Variants in RAB11FIP3 observed in about 807,000 individuals in gnomAD.
The protein encoded by RAB11FIP3 is RAB11 family interacting protein 3.
RAB11FIP3 carries 17 observed loss-of-function variants against 77.8 expected under a neutral mutation model. That is an observed-to-expected ratio of 0.22 (90% CI 0.15 to 0.33). RAB11FIP3 has a LOEUF of 0.33. Ranked by LOEUF, RAB11FIP3 falls within the 10% of genes least tolerant of loss-of-function variation. The pLI is 1.00. For missense variants in RAB11FIP3, 1,005 were observed against 1,011.2 expected (o/e 0.99, Z 0.08); for synonymous variants, 437 against 448.2 (o/e 0.98, Z 0.31).
intron 4 of RAB11FIP3, among the ~76,000 whole-genome samples, chr16:484,730 A>G (rs912479333): frequency 6.6e-6 from 1 of 152,188 alleles, no homozygotes; most frequent in African/African-American, 2.4e-5. Context: ...CTGCGACTCT[A>G]GAGTTGACTC....
intron 1 of RAB11FIP3, among the ~76,000 whole-genome samples, chr16:432,122 C>G (rs2141841276): frequency 6.6e-6 from 1 of 152,272 alleles, no homozygotes; most frequent in Middle Eastern, 3.4e-3. Context: ...GTAACTCACA[C>G]CTGTCATCCC....
In RAB11FIP3 at chr16:520,344, G is replaced by C. The variant is rs1419359703; in HGVS notation, c.2016+67G>C. ...GCTTCCACAAGACTGGTTGGGAAGG[G>C]GGGGCCGTGGAGGGTCAGCATCTGA... On this transcript the variant is annotated intron_variant, in intron 12 of 13. Coordinates refer to ENST00000262305, the MANE Select transcript of RAB11FIP3 (RefSeq NM_014700.4). 24 of 1,569,128 alleles carry C rather than the reference G, an allele frequency of 1.5e-5. 1 individual carries two copies. In the South Asian group the frequency reaches 2.6e-4, roughly 17 times the overall value.
chr16:453,612 C>T (rs1488095255), intron 1 of RAB11FIP3, among the ~76,000 whole-genome samples: 10 of 125,942 alleles, frequency 7.9e-5, no homozygotes, highest in African/African-American at 3.4e-4. Flanking sequence ...TTTTTTGAAG[C>T]AGAGTTTTGC....
chr16:512,129 A>G (rs1487280126), intron 9 of RAB11FIP3, among the ~76,000 whole-genome samples: 2 of 152,236 alleles, frequency 1.3e-5, no homozygotes, highest in Non-Finnish European at 2.9e-5. Context: ...CCCAAAGACC[A>G]CAAGGGATCG....
At chr16:459,189 C>T (rs578101291) in intron 1 of RAB11FIP3, among the ~76,000 whole-genome samples, 5 of 149,812 alleles carry the variant, frequency 3.3e-5, no homozygotes, top group South Asian at 2.1e-4. Flanking sequence ...TGCAGTGGCA[C>T]GATCTCAGCT....
intron 9 of RAB11FIP3, among the ~76,000 whole-genome samples, chr16:513,025 A>G (rs1457941709): frequency 6.6e-6 from 1 of 152,176 alleles, no homozygotes; most frequent in Non-Finnish European, 1.5e-5. Flanking sequence ...TTGGTTCTCC[A>G]TCTGGGAGCT....
chr16:428,836 G>C (rs941909032), intron 1 of RAB11FIP3, among the ~76,000 whole-genome samples: 6 of 152,036 alleles, frequency 3.9e-5, no homozygotes, highest in Non-Finnish European at 5.9e-5. Context: ...TGCTATTTGG[G>C]GCTGAGCTTT....
At chr16:473,249 G>A (rs2055840491) in intron 3 of RAB11FIP3, among the ~76,000 whole-genome samples, 1 of 152,210 alleles carries the variant, frequency 6.6e-6, no homozygotes, top group Non-Finnish European at 1.5e-5. Flanking sequence ...TGTCACTTCA[G>A]AAGGGTGGGA....
chr16:432,600 T>G (rs1256189222), intron 1 of RAB11FIP3, among the ~76,000 whole-genome samples: 8 of 144,062 alleles, frequency 5.6e-5, no homozygotes, highest in East Asian at 3.9e-4. Context: ...TTTTTTTTTT[T>G]TTTGTGTGTG....
chr16:438,838 C>T (rs924511563), intron 1 of RAB11FIP3, among the ~76,000 whole-genome samples: 9 of 152,230 alleles, frequency 5.9e-5, no homozygotes, highest in South Asian at 2.1e-4. Context: ...TACTGGCACG[C>T]GCCACCACGC....
intron 1 of RAB11FIP3, among the ~76,000 whole-genome samples, chr16:437,744 CAAAT>C (rs1567355408): frequency 6.6e-6 from 1 of 152,068 alleles, no homozygotes; most frequent in African/African-American, 2.4e-5. Flanking sequence ...GTCATTTAAT[CAAAT>C]AAAGTGAAAA....
intron 6 of RAB11FIP3, among the ~76,000 whole-genome samples, chr16:500,404 C>A (rs551628139): frequency 4.6e-4 from 70 of 152,198 alleles, no homozygotes; most frequent in African/African-American, 1.6e-3. Context: ...CAGCCCCAGC[C>A]GGACGCGGTG....
Position 521,096 on chromosome 16 carries a change from A to G in RAB11FIP3, c.*257A>G. On this transcript the variant is annotated 3_prime_UTR_variant, in exon 14 of 14. Coordinates refer to ENST00000262305, the MANE Select transcript of RAB11FIP3 (RefSeq NM_014700.4). ...GATGAGGGTTGTGGCAGGGCCGTCCATCAGCGCTGACCTTCCGGGGGCCCA... is the reference window on the plus strand; with the variant it reads ...GATGAGGGTTGTGGCAGGGCCGTCCGTCAGCGCTGACCTTCCGGGGGCCCA... The G allele has an allele frequency of 1.8e-6, 1 of 554,722 alleles. No individual in the cohort carries two copies. The highest frequency in any genetic ancestry group is 2.1e-5 in the South Asian group (1 of 46,890). 34.4% of individuals were successfully genotyped at this position (554,722 alleles called of 1,614,324 possible).
chr16:427,285 A>T (rs1001285589), intron 1 of RAB11FIP3, among the ~76,000 whole-genome samples: 1 of 152,180 alleles, frequency 6.6e-6, no homozygotes, highest in Admixed American at 6.5e-5. Context: ...GCTTGTAGAG[A>T]GTCCTGGAAT....
At position 519,827 on chromosome 16, in the gene RAB11FIP3, G is replaced by A. The variant is rs2032592594; in HGVS notation, c.1796G>A (p.Arg599Lys). The change falls in exon 11 of 14, where the codon AGA becomes AAA. Residue 599 changes from arginine to lysine, a missense_variant. Around this residue, in one of 4 missense-constraint regions of RAB11FIP3, gnomAD observed 433 missense variants for 436.1 expected, o/e 0.99. Transcript: ENST00000262305. ...RLSEEQENKR[R>K]MGDRLSHERH... is the part of the protein sequence containing the mutation. Reference sequence around the variant, plus strand: ...AGTGAAGAGCAGGAGAACAAGAGGAGAATGGGGGACAGGCTGAGTCACGAG... The same window carrying A: ...AGTGAAGAGCAGGAGAACAAGAGGAAAATGGGGGACAGGCTGAGTCACGAG... 3.7e-6 allele frequency: 6 copies of A among 1,605,298 alleles called. No homozygotes were observed. The highest frequency in any genetic ancestry group is 5.1e-6 in the Non-Finnish European group (6 of 1,176,222).
intron 7 of RAB11FIP3, 114 bp downstream of exon 7, chr16:503,211 A>C (rs999531843): frequency 3.1e-5 from 24 of 778,896 alleles, no homozygotes; most frequent in Non-Finnish European, 4.5e-5. Flanking sequence ...AGGTGACCCC[A>C]TGTCCTCCAG....
chr16:432,602 T>TTGTG (rs1269521944), intron 1 of RAB11FIP3, among the ~76,000 whole-genome samples: 2 of 143,926 alleles, frequency 1.4e-5, no homozygotes, highest in Non-Finnish European at 3.0e-5. Flanking sequence ...TTTTTTTTTT[T>TTGTG]TGTGTGTGTG....
rs2055831048 is a variant in RAB11FIP3 at position 472,716 on chromosome 16, G to A, written c.903+1327G>A. ...CATGTTTGTTAGGGCATTGTTGATT[G>A]TTTATATCCTATGTATGGTGCAGTG... On this transcript the variant is annotated intron_variant, in intron 3 of 13. Coordinates refer to ENST00000262305, the MANE Select transcript of RAB11FIP3 (RefSeq NM_014700.4). This position sits in a 1 kb window ranked among gnomAD's most constrained non-coding sequence, Gnocchi z 4.1. Among the ~76,000 whole-genome samples, 1 of 152,196 alleles carries A rather than the reference G, an allele frequency of 6.6e-6. No homozygotes were observed. Among genetic ancestry groups the A allele is most frequent in the Admixed American group, 6.5e-5 (1 of 15,276 alleles).
intron 4 of RAB11FIP3, among the ~76,000 whole-genome samples, 199 bp downstream of exon 4, chr16:482,935 TC>T (rs2056076458): frequency 1.3e-5 from 2 of 152,174 alleles, no homozygotes; most frequent in East Asian, 3.9e-4. Context: ...CCGAGCAGTC[TC>T]CCTGTTCCAG....
Sources: allele counts gnomAD v4.1 joint callset (sites outside exome capture counted in the v4.1 genomes callset), GRCh38; gene constraint gnomAD v4.1.1; regional missense constraint gnomAD v4.1.1; non-coding constraint Gnocchi (gnomAD v3.1); transcripts MANE v1.5; gene names NCBI Gene and HGNC (gene_info 2026-07-23, HGNC 2026-07-21).